The following CAT variants were observed in gnomAD, a reference collection of about 807,000 sequenced individuals.
CAT encodes catalase, also known as epididymis secretory sperm binding protein.
In CAT, 43 loss-of-function variants were observed where a neutral mutation model predicts 59.0. That is an observed-to-expected ratio of 0.73 (90% confidence interval 0.57 to 0.94). The LOEUF is 0.94. Among genes scored for constraint, CAT ranks in the 40% least tolerant of loss-of-function variants. The probability of loss-of-function intolerance (pLI) is 0.00; values close to 1 mark genes in which losing one functional copy is unlikely to be tolerated. For synonymous variants in CAT, 218 were observed against 230.9 expected, an observed-to-expected ratio of 0.94 and a Z score of 0.51; for missense variants, 664 against 682.9, an observed-to-expected ratio of 0.97 and a Z score of 0.31.
chr11:34,446,416 T>G (rs921408669), intron 1 of CAT, among the ~76,000 whole-genome samples: 1 of 152,198 alleles, frequency 6.6e-6, no homozygotes, highest in Non-Finnish European at 1.5e-5. Context: ...ATTCCTTCAT[T>G]GGGCAGGAGG....
intron 1 of CAT, among the ~76,000 whole-genome samples, chr11:34,446,638 A>G (rs1856458629): frequency 6.6e-6 from 1 of 152,108 alleles, no homozygotes; most frequent in Non-Finnish European, 1.5e-5. Context: ...CTCCCTCCCC[A>G]CGTTAAGAAT....
chr11:34,446,955 G>T (rs1590299715), intron 1 of CAT, among the ~76,000 whole-genome samples: 1 of 152,080 alleles, frequency 6.6e-6, no homozygotes, highest in South Asian at 2.1e-4. Context: ...TGTTGGTCAG[G>T]CTGGTCTCGA....
chr11:34,458,421 A>G (rs531676048), intron 8 of CAT, among the ~76,000 whole-genome samples: 1 of 152,326 alleles, frequency 6.6e-6, no homozygotes, highest in South Asian at 2.1e-4. Flanking sequence ...GGTGATAAAT[A>G]GAAAAAGCGA....
chr11:34,454,145 A>C (rs1023709206), intron 6 of CAT, among the ~76,000 whole-genome samples: 6 of 152,140 alleles, frequency 3.9e-5, no homozygotes, highest in African/African-American at 1.4e-4. Context: ...CCAACATCCA[A>C]TAGTGTCTTT....
chr11:34,468,487 G>T, intron 11 of CAT, 92 bp downstream of exon 11: 1 of 882,036 alleles, frequency 1.1e-6, no homozygotes, highest in Non-Finnish European at 1.9e-6. Context: ...TGCCATTTCT[G>T]TTTTACTTGA....
intron 8 of CAT, 175 bp from the exon 9 acceptor site, chr11:34,461,076 G>A: frequency 1.3e-6 from 1 of 751,016 alleles, no homozygotes; most frequent in African/African-American, 1.7e-5. Context: ...TTCAGTTAGG[G>A]AGAACTCGTT....
chr11:34,439,304 A>G (rs527997748), intron 1 of CAT, among the ~76,000 whole-genome samples: 100 of 152,304 alleles, frequency 6.6e-4, no homozygotes, highest in Non-Finnish European at 2.9e-5. Flanking sequence ...TGTCCGCGAC[A>G]GGCTCGGGTG....
At chr11:34,444,355 C>T (rs1249404511) in intron 1 of CAT, among the ~76,000 whole-genome samples, 1 of 152,152 alleles carries the variant, frequency 6.6e-6, no homozygotes, top group Non-Finnish European at 1.5e-5. Context: ...AATCTTAAAA[C>T]TGGAGTTAAT....
rs759951974 is a variant in CAT at position 34,439,068 on chromosome 11, C to T, written c.55C>T (p.Arg19Trp). The part of the protein sequence containing the change: ...SDQMQHWKEQ[R>W]AAQKADVLTT... ...CCAGATGCAGCACTGGAAGGAGCAGCGGGCCGCGCAGGTACACTCTGTGCT... is the reference window on the plus strand; with the variant it reads ...CCAGATGCAGCACTGGAAGGAGCAGTGGGCCGCGCAGGTACACTCTGTGCT... Residue 19 changes from arginine to tryptophan, a missense_variant, in exon 1 of 13, where the codon CGG (arginine) becomes TGG (tryptophan). Transcript: ENST00000241052. The T allele has an allele frequency of 3.8e-6, 6 of 1,592,052 alleles. No homozygotes were observed. The highest frequency in any genetic ancestry group is 1.1e-5 in the South Asian group (1 of 88,176).
chr11:34,440,728 A>C (rs977828236), intron 1 of CAT, among the ~76,000 whole-genome samples: 4 of 151,918 alleles, frequency 2.6e-5, no homozygotes, highest in African/African-American at 9.7e-5. Flanking sequence ...ACACCCAGCT[A>C]ATTTTTGTAT....
In CAT at chr11:34,456,123, C is replaced by T. The variant is rs1856587369; in HGVS notation, c.824C>T (p.Pro275Leu). The T allele has an allele frequency of 6.2e-7, 1 of 1,613,766 alleles. No individual in the cohort carries two copies. Among genetic ancestry groups the T allele is most frequent in the African/African-American group, 1.3e-5 (1 of 74,888 alleles). Reference protein sequence around the residue: ...LFNAIATGKYPSWTFYIQVMT... With the variant: ...LFNAIATGKYLSWTFYIQVMT... Reference sequence around the variant, plus strand: ...AACGCCATTGCCACAGGAAAGTACCCCTCCTGGACTTTTTACATCCAGGTC... The same window carrying T: ...AACGCCATTGCCACAGGAAAGTACCTCTCCTGGACTTTTTACATCCAGGTC... The change falls in exon 7 of 13, where the codon CCC (proline) becomes CTC (leucine). Residue 275 changes from proline (P) to leucine (L), a missense_variant. By Grantham distance (98) the Pro-to-Leu change is moderately conservative (BLOSUM62 -3). Coordinates refer to ENST00000241052, the MANE Select transcript of CAT (RefSeq NM_001752.4).
chr11:34,458,521 C>T (rs1443088857), intron 8 of CAT, among the ~76,000 whole-genome samples: 1 of 152,134 alleles, frequency 6.6e-6, no homozygotes, highest in Non-Finnish European at 1.5e-5. Context: ...GTAGAGGAAG[C>T]CAAAACAAGG....
intron 9 of CAT, 73 bp downstream of exon 9, chr11:34,461,462 C>G: frequency 1.9e-6 from 3 of 1,560,722 alleles, no homozygotes; most frequent in Non-Finnish European, 2.6e-6. Context: ...GAGGCCAGGC[C>G]AGTGGCTCTC....
At chr11:34,455,706 C>T (rs1011516344) in intron 6 of CAT, among the ~76,000 whole-genome samples, 6 of 151,906 alleles carry the variant, frequency 3.9e-5, no homozygotes, top group African/African-American at 1.5e-4. Context: ...TTTGATTTTT[C>T]TGATTTGGAA....
chr11:34,464,809 A>G (rs568117832), intron 10 of CAT, among the ~76,000 whole-genome samples: 11 of 150,122 alleles, frequency 7.3e-5, no homozygotes, highest in Admixed American at 2.0e-4. Flanking sequence ...AACAATGGAA[A>G]ACTCTCCTTT....
At position 34,471,365 on chromosome 11, in the gene CAT, CAG is replaced by C; in HGVS notation, c.1519-1_1519del. 1 of 1,613,578 alleles carries C rather than the reference CAG, an allele frequency of 6.2e-7. No homozygotes were observed. The highest frequency in any genetic ancestry group is 2.2e-5 in the East Asian group (1 of 44,892). On this transcript the variant is annotated splice_acceptor_variant, in intron 12 of 12. Coordinates refer to ENST00000241052, the MANE Select transcript of CAT (RefSeq NM_001752.4). LOFTEE classifies it high-confidence loss of function. ...ACCTGCTCATCTTGTTCTTTTAAAA[CAG>C]AATGCGATTCACACCTTTGTGCAGT...
At chr11:34,468,248 G>C (rs1186409510) in intron 10 of CAT, 40 bp from the exon 11 acceptor site, 1 of 1,392,094 alleles carries the variant, frequency 7.2e-7, no homozygotes, top group South Asian at 1.2e-5. Flanking sequence ...GTGATAAACT[G>C]GTGATTCAAT....
At chr11:34,452,690 C>CA (rs1042603957) in intron 4 of CAT, among the ~76,000 whole-genome samples, 8 of 151,796 alleles carry the variant, frequency 5.3e-5, no homozygotes, top group Non-Finnish European at 8.8e-5. Flanking sequence ...CATATCTCTG[C>CA]AAAAAAATAC....
chr11:34,461,489 A>G, intron 9 of CAT, 100 bp downstream of exon 9: 2 of 1,415,554 alleles, frequency 1.4e-6, no homozygotes, highest in Non-Finnish European at 2.0e-6. Context: ...GCCCCGCAGG[A>G]CCTCCTGCTT....
Sources: gnomAD v4.1 joint callset for allele counts (sites outside exome capture counted in the v4.1 genomes callset) on GRCh38, gnomAD v4.1.1 for gene constraint, MANE v1.5 for transcripts, NCBI Gene and HGNC (gene_info 2026-07-23, HGNC 2026-07-21) for gene names.